Variants in DCDC2 observed in about 807,000 individuals in gnomAD.
DCDC2 encodes doublecortin domain containing 2.
In DCDC2, 40 loss-of-function variants were observed where a neutral mutation model predicts 50.2. The ratio of observed to expected loss-of-function variants is 0.80; its 90% CI spans 0.62 to 1.04. DCDC2 has a LOEUF of 1.04. DCDC2 is among the 50% of genes least tolerant of loss of function. The pLI, the probability that DCDC2 is intolerant of heterozygous loss-of-function variation, is 0.00. For synonymous variants in DCDC2, 234 were observed against 210.6 expected, an observed-to-expected ratio of 1.11 and a Z score of -0.96; for missense variants, 570 against 581.9, an observed-to-expected ratio of 0.98 and a Z score of 0.21.
At chr6:24,358,815 A>T (rs867017027), upstream of DCDC2, among the ~76,000 whole-genome samples, 3 of 51,018 alleles carry the variant, frequency 5.9e-5, no homozygotes, top group Admixed American at 3.7e-4. Context: ...ATTATATATA[A>T]ATATATATAT....
intron 4 of DCDC2, among the ~76,000 whole-genome samples, chr6:24,292,627 G>T (rs924433408): frequency 2.6e-5 from 4 of 152,178 alleles, no homozygotes; most frequent in Admixed American, 6.5e-5. Flanking sequence ...CAGCTACTTG[G>T]AAGGCTAAGG....
chr6:24,205,132 A>T lies in DCDC2; in HGVS notation c.923-30T>A. On this transcript the variant is annotated intron_variant, in intron 7 of 9. Coordinates refer to ENST00000378454, the MANE Select transcript of DCDC2 (RefSeq NM_016356.5). ...TGAGACAAACACACAGTGAAAATCA[A>T]AATCCAATTGTGACATCGTGTGGCT... 2 of 1,614,174 alleles carry T rather than the reference A, an allele frequency of 1.2e-6. 1 individual carries two copies. The highest frequency in any genetic ancestry group is 2.2e-5 in the South Asian group (2 of 91,076).
intron 1 of DCDC2, chr6:24,356,869 T>G (rs1214097769): frequency 6.6e-6 from 1 of 152,238 alleles, no homozygotes; most frequent in Non-Finnish European, 1.5e-5. Context: ...AGACAGACAG[T>G]CGACAAATAC....
chr6:24,335,037 C>A (rs1168383138), intron 2 of DCDC2, among the ~76,000 whole-genome samples: 3 of 152,182 alleles, frequency 2.0e-5, no homozygotes, highest in Non-Finnish European at 4.4e-5. Context: ...AAGACTTGTA[C>A]AACCCTCTAC....
At chr6:24,239,513 C>A (rs187755505) in intron 7 of DCDC2, among the ~76,000 whole-genome samples, 4 of 152,206 alleles carry the variant, frequency 2.6e-5, no homozygotes, top group Non-Finnish European at 5.9e-5. Context: ...CCTGTAACAC[C>A]GAGGCAGGCA....
intron 7 of DCDC2, among the ~76,000 whole-genome samples, chr6:24,253,891 T>A (rs1315740949): frequency 6.6e-6 from 1 of 152,196 alleles, no homozygotes; most frequent in Non-Finnish European, 1.5e-5. Context: ...GTTTCTTCAA[T>A]CATAAATTAA....
chr6:24,203,889 G>A (rs111534293), intron 8 of DCDC2, among the ~76,000 whole-genome samples: 2,367 of 152,214 alleles, frequency 0.016, 48 homozygotes, highest in African/African-American at 0.043. Context: ...AAGAAAAAAC[G>A]CTCATCATCA....
chr6:24,188,599 T>C (rs1200147795), intron 8 of DCDC2, among the ~76,000 whole-genome samples: 1 of 152,242 alleles, frequency 6.6e-6, no homozygotes. Context: ...GACATTTACG[T>C]CAATTTTCAG....
chr6:24,280,672 G>A (rs1308208700), intron 6 of DCDC2, among the ~76,000 whole-genome samples: 1 of 152,016 alleles, frequency 6.6e-6, no homozygotes, highest in Non-Finnish European at 1.5e-5. Flanking sequence ...AAGTAGCTGG[G>A]ATTATAGGTG....
chr6:24,289,615 TAA>T (rs1397524223), intron 5 of DCDC2, among the ~76,000 whole-genome samples: 2 of 152,344 alleles, frequency 1.3e-5, no homozygotes, highest in African/African-American at 4.8e-5. Flanking sequence ...CAAAGATGGC[TAA>T]AGATTTGATT....
chr6:24,382,216 T>C, the DCDC2 span, among the ~76,000 whole-genome samples: 1 of 152,136 alleles, frequency 6.6e-6, no homozygotes, highest in Admixed American at 6.6e-5. Context: ...TAGGAGTTAA[T>C]AAAATTGTTG....
chr6:24,209,710 C>T (rs959501549), intron 7 of DCDC2, among the ~76,000 whole-genome samples: 1 of 152,112 alleles, frequency 6.6e-6, no homozygotes, highest in Admixed American at 6.5e-5. Flanking sequence ...TAATTGGGCA[C>T]AGCAAGTATA....
At chr6:24,344,909 G>C (rs1760227996) in intron 2 of DCDC2, among the ~76,000 whole-genome samples, 1 of 152,190 alleles carries the variant, frequency 6.6e-6, no homozygotes, top group Non-Finnish European at 1.5e-5. Flanking sequence ...TATCAGAGTG[G>C]TGGGGGAAAA....
rs538484732 is a variant in DCDC2, at chr6:24,174,612, G to C, written c.*118C>G. The C allele has an allele frequency of 3.3e-6, 2 of 607,098 alleles. No individual in the cohort carries two copies. The highest frequency in any genetic ancestry group is 5.5e-5 in the East Asian group (2 of 36,416). The allele number at this position is 607,098 out of a possible 1,614,324, so 37.6% of individuals were successfully genotyped here. On this transcript the variant is annotated 3_prime_UTR_variant, in exon 10 of 10. Transcript: ENST00000378454. ...CACTAGGCTTCTAATGTTATAATTC[G>C]TAGGTAGTATTCGACCATAGTGTCA...
intron 7 of DCDC2, among the ~76,000 whole-genome samples, chr6:24,249,532 G>A (rs1199116487): frequency 7.2e-5 from 11 of 152,258 alleles, no homozygotes; most frequent in Admixed American, 3.3e-4. Context: ...ATAAGGCAGC[G>A]ATGCATTGGT....
At position 24,238,943 on chromosome 6, in the gene DCDC2, G is replaced by T. The variant is rs914976195; in HGVS notation, c.923-33841C>A. ...GCAAGCAACTCTGCCTACTATAGGA[G>T]AGAGTATTAGCTTTAAAAGCTTTGT... is the stretch of plus-strand genomic sequence containing the variant. On this transcript the variant is annotated intron_variant, in intron 7 of 9. Coordinates refer to ENST00000378454, the MANE Select transcript of DCDC2 (RefSeq NM_016356.5). 2.0e-5 allele frequency among the ~76,000 whole-genome samples: 3 copies of T among 152,198 alleles called. No individual in the cohort carries two copies. In the East Asian group the frequency reaches 5.8e-4, roughly 29 times the overall value.
chr6:24,180,041 G>C (rs762028604), intron 8 of DCDC2, among the ~76,000 whole-genome samples: 2 of 151,388 alleles, frequency 1.3e-5, no homozygotes, highest in South Asian at 2.1e-4. Flanking sequence ...CCAGGTTCAA[G>C]TCCTGACCAG....
At chr6:24,266,833 A>G (rs933562825) in intron 7 of DCDC2, among the ~76,000 whole-genome samples, 3 of 152,228 alleles carry the variant, frequency 2.0e-5, no homozygotes, top group Non-Finnish European at 2.9e-5. Flanking sequence ...GGAAATCAGT[A>G]TATCAAAGAG....
the DCDC2 span, among the ~76,000 whole-genome samples, chr6:24,380,963 G>C: frequency 1.3e-5 from 2 of 152,006 alleles, no homozygotes; most frequent in African/African-American, 4.8e-5. Context: ...TGGGCCTATA[G>C]TCCCAAGCTA....
Sources: allele counts gnomAD v4.1 joint callset (sites outside exome capture counted in the v4.1 genomes callset), GRCh38; gene constraint gnomAD v4.1.1; transcripts MANE v1.5; gene names NCBI Gene and HGNC (gene_info 2026-07-23, HGNC 2026-07-21).